RBL2: variants seen among roughly 807,000 people sequenced by gnomAD.
RBL2 encodes the protein RB transcriptional corepressor like 2, also known as retinoblastoma-like protein 2.
A neutral mutation model predicts 126.0 loss-of-function variants in RBL2; 56 were observed. That is an observed-to-expected ratio of 0.44 (90% confidence interval 0.36 to 0.56). RBL2 has a LOEUF of 0.56. RBL2 is among the 20% of genes least tolerant of loss of function. RBL2 has a pLI of 0.00. For synonymous variants in RBL2, 454 were observed against 478.5 expected (o/e 0.95, Z 0.67); for missense variants, 1,229 against 1,398.2 (o/e 0.88, Z 1.93).
rs145003473 is a variant in RBL2, at chr16:53,469,170, T to C, written c.1976-746T>C. 3.2e-3 allele frequency among the ~76,000 whole-genome samples: 487 copies of C among 152,204 alleles called. 3 individuals carry two copies. The highest frequency in any genetic ancestry group is 6.0e-3 in the Admixed American group (92 of 15,286). On this transcript the variant is annotated intron_variant, in intron 14 of 21. Coordinates refer to ENST00000262133, the MANE Select transcript of RBL2 (RefSeq NM_005611.4). ...ACTTAAACCCAGGAGGCAGAGGTTGTAGTGAGCCGAGATCAGGCTACTGCA... is the reference window on the plus strand; with the variant it reads ...ACTTAAACCCAGGAGGCAGAGGTTGCAGTGAGCCGAGATCAGGCTACTGCA...
In RBL2 at chr16:53,470,738, T is replaced by C. The variant is rs1468139366; in HGVS notation, c.2527-8T>C. The C allele has an allele frequency of 6.2e-7, 1 of 1,612,860 alleles. No individual in the cohort carries two copies. On this transcript the variant is annotated splice_polypyrimidine_tract_variant and splice_region_variant and intron_variant, in intron 16 of 21. Transcript: ENST00000262133. ...TTAAACAAAGTTTGAAATGTTTTTA[T>C]CTCCTAGGTATACCATTTAGCAGCT... is the stretch of plus-strand genomic sequence containing the variant.
In RBL2 at chr16:53,490,334, C is replaced by A. The variant is rs1473634782; in HGVS notation, c.*34C>A. On this transcript the variant is annotated 3_prime_UTR_variant, in exon 22 of 22. Coordinates refer to ENST00000262133, the MANE Select transcript of RBL2 (RefSeq NM_005611.4). ...TCTTGTATTAAACTCTTCACAAAAT[C>A]TGTTTAGCAGCAGCCTTTAATGCAT... The A allele has an allele frequency of 2.6e-6, 4 of 1,520,628 alleles. No individual in the cohort carries two copies. In the African/African-American group the frequency reaches 5.5e-5, roughly 21 times the overall value. 94.2% of individuals were successfully genotyped at this position (1,520,628 alleles called of 1,614,324 possible).
rs2058308245 is a variant in RBL2 at position 53,470,143 on chromosome 16, G to T, written c.2203G>T (p.Val735Phe). ...TTTGGTCACCATGGCAACCGCCACT[G>T]TCACAGCCAACAATGGGCAAACGGT... ...QTLVTMATAT[V>F]TANNGQTVTI... The change falls in exon 15 of 22, where the codon GTC becomes TTC. Residue 735 changes from valine (V) to phenylalanine (F), a missense_variant. This residue lies in a region of RBL2 where 1,070 missense variants were observed against 1,274.3 expected (regional missense o/e 0.84). Coordinates refer to ENST00000262133, the MANE Select transcript of RBL2 (RefSeq NM_005611.4). 2 of 1,613,058 alleles carry T rather than the reference G, an allele frequency of 1.2e-6. No homozygotes were observed.
intron 21 of RBL2, chr16:53,488,627 C>A (rs1483776466): frequency 2.0e-5 from 3 of 152,088 alleles, no homozygotes; most frequent in Non-Finnish European, 4.4e-5. Context: ...CAATCTATAA[C>A]GTACTAACAT....
At chr16:53,469,385 G>A (rs999157873) in intron 14 of RBL2, among the ~76,000 whole-genome samples, 2 of 151,928 alleles carry the variant, frequency 1.3e-5, no homozygotes, top group African/African-American at 4.9e-5. Flanking sequence ...ACATTATTGA[G>A]TTTTAATAAT....
intron 2 of RBL2, 64 bp downstream of exon 2, chr16:53,439,210 G>A: frequency 1.5e-6 from 2 of 1,351,612 alleles, no homozygotes; most frequent in Non-Finnish European, 2.0e-6. Flanking sequence ...CATAGTGATA[G>A]TAAGAATTAT....
chr16:53,456,206 A>G (rs1300546088), intron 8 of RBL2, among the ~76,000 whole-genome samples: 1 of 151,820 alleles, frequency 6.6e-6, no homozygotes, highest in Non-Finnish European at 1.5e-5. Context: ...AGAAAAAGAA[A>G]TGCAGGGAAG....
intron 11 of RBL2, among the ~76,000 whole-genome samples, chr16:53,463,833 C>T (rs1472462965): frequency 1.3e-5 from 2 of 152,092 alleles, no homozygotes; most frequent in Non-Finnish European, 2.9e-5. Flanking sequence ...TCCCAAAGTG[C>T]TGGGATTACA....
intron 21 of RBL2, among the ~76,000 whole-genome samples, chr16:53,487,231 C>T (rs555668132): frequency 9.9e-5 from 15 of 152,198 alleles, no homozygotes; most frequent in Admixed American, 7.8e-4. Context: ...GCAAAGAACT[C>T]GAATAGCTAA....
At chr16:53,480,393 G>C (rs1240310681) in intron 19 of RBL2, 174 bp from the exon 20 acceptor site, 10 of 620,148 alleles carry the variant, frequency 1.6e-5, no homozygotes, top group Non-Finnish European at 2.5e-5. Context: ...TATGGCATAG[G>C]GAGAAAGTTA....
In RBL2 at chr16:53,461,705, C is replaced by A. The variant is rs748315833; in HGVS notation, c.1347-36C>A. ...TTTATCCCCTTGTGACTTGACAAGA[C>A]CTTTAAATTATGTTATTTCTCATTA... On this transcript the variant is annotated intron_variant, in intron 9 of 21. Transcript: ENST00000262133. 2.2e-5 allele frequency: 32 copies of A among 1,448,362 alleles called. No individual in the cohort carries two copies. The South Asian group carries it at 3.7e-4, about 17-fold the overall frequency. The allele number at this position is 1,448,362 out of a possible 1,614,324, so 89.7% of individuals were successfully genotyped here.
intron 21 of RBL2, among the ~76,000 whole-genome samples, chr16:53,482,522 C>T (rs1351497176): frequency 2.0e-5 from 3 of 152,008 alleles, no homozygotes; most frequent in Non-Finnish European, 4.4e-5. Context: ...ATAAAGGTTG[C>T]TTAGAGGCTG....
At chr16:53,473,947 A>G (rs1960619330) in intron 17 of RBL2, among the ~76,000 whole-genome samples, 2 of 152,042 alleles carry the variant, frequency 1.3e-5, no homozygotes, top group African/African-American at 4.8e-5. Flanking sequence ...ACACTGATTA[A>G]TCTTCCTATG....
intron 19 of RBL2, 195 bp from the exon 20 acceptor site, chr16:53,480,372 C>G: frequency 1.7e-6 from 1 of 588,308 alleles, no homozygotes; most frequent in South Asian, 2.2e-5. Flanking sequence ...TCAGAAAGCC[C>G]TTGCTATGGT....
chr16:53,485,328 C>G (rs950806674), intron 21 of RBL2, among the ~76,000 whole-genome samples: 1 of 151,866 alleles, frequency 6.6e-6, no homozygotes, highest in Non-Finnish European at 1.5e-5. Context: ...AAAGAAAGCA[C>G]AAGAGAAATT....
rs138343701 is a variant in RBL2 at position 53,470,599 on chromosome 16, A to C, written c.2462A>C (p.Gln821Pro). Residue 821 changes from glutamine (Q) to proline (P), a missense_variant, in exon 16 of 22, where the codon CAG (glutamine) becomes CCG (proline). Gln to Pro is a moderately conservative substitution (Grantham distance 76). Coordinates refer to ENST00000262133, the MANE Select transcript of RBL2 (RefSeq NM_005611.4). ...GGTGGCCAACAGCAGAAGCAAGGCC[A>C]GTCTGTAACCAGCAGTAGTAATAGA... ...SPGGQQQKQG[Q>P]SVTSSSNRPR... The C allele has an allele frequency of 2.1e-4, 331 of 1,614,144 alleles. No individual in the cohort carries two copies. Among genetic ancestry groups the C allele is most frequent in the Non-Finnish European group, 2.7e-4 (313 of 1,180,054 alleles).
At chr16:53,472,259 G>A (rs1421694416) in intron 17 of RBL2, among the ~76,000 whole-genome samples, 1 of 152,066 alleles carries the variant, frequency 6.6e-6, no homozygotes, top group Non-Finnish European at 1.5e-5. Flanking sequence ...CCCATTTTCA[G>A]TCCTTTTGAG....
intron 21 of RBL2, 127 bp from the exon 22 acceptor site, chr16:53,490,003 T>C: frequency 1.5e-6 from 1 of 676,594 alleles, no homozygotes; most frequent in African/African-American, 1.9e-5. Flanking sequence ...ACTTAGTGTT[T>C]CTTTTCTCTG....
intron 21 of RBL2, among the ~76,000 whole-genome samples, chr16:53,487,260 G>C (rs1449915479): frequency 2.6e-5 from 4 of 152,186 alleles, no homozygotes; most frequent in Non-Finnish European, 5.9e-5. Context: ...AAAGGTGGAG[G>C]ATTCACACTA....
Sources: gnomAD v4.1 joint callset for allele counts (sites outside exome capture counted in the v4.1 genomes callset) on GRCh38, gnomAD v4.1.1 for gene constraint, gnomAD v4.1.1 regional missense constraint, MANE v1.5 for transcripts, NCBI Gene and HGNC (gene_info 2026-07-23, HGNC 2026-07-21) for gene names.